The following HFM1 variants were observed in gnomAD, a reference collection of about 807,000 sequenced individuals.
The protein encoded by HFM1 is helicase for meiosis 1.
HFM1 carries 169 observed loss-of-function variants against 192.1 expected under a neutral mutation model. The observed-to-expected ratio is 0.88, with a 90% CI of 0.78 to 1.00. HFM1 has a LOEUF of 1.00. Among genes scored for constraint, HFM1 ranks in the 50% least tolerant of loss-of-function variants. HFM1 has a pLI of 0.00. For missense variants in HFM1, 1,661 were observed against 1,668.0 expected, an observed-to-expected ratio of 1.00 and a Z score of 0.07; for synonymous variants, 525 against 537.8, an observed-to-expected ratio of 0.98 and a Z score of 0.33.
intron 4 of HFM1, among the ~76,000 whole-genome samples, chr1:91,390,178 G>T (rs930448996): frequency 6.6e-6 from 1 of 152,054 alleles, no homozygotes; most frequent in South Asian, 2.1e-4. Flanking sequence ...GGTAGCTTAC[G>T]CCTGTAATCC....
At chr1:91,313,623 A>C (rs1650790458) in intron 29 of HFM1, 128 bp from the exon 30 acceptor site, 1 of 514,680 alleles carries the variant, frequency 1.9e-6, no homozygotes, top group Admixed American at 4.2e-5. Flanking sequence ...GAAAGTTAAA[A>C]TATGTTGAAA....
At chr1:91,275,137 C>T (rs1022211981) in intron 32 of HFM1, among the ~76,000 whole-genome samples, 1 of 152,076 alleles carries the variant, frequency 6.6e-6, no homozygotes, top group African/African-American at 2.4e-5. Context: ...GTGCCCACCA[C>T]CATGCCTGGC....
Position 91,325,105 on chromosome 1 carries a change from G to C in HFM1, c.2336-339C>G, listed in dbSNP as rs532708447. ...TTTCTGGACCTGCCCTGGGCCAGAG[G>C]GGGAGCCTACTGCCCTGAAGGATGC... is the stretch of plus-strand genomic sequence containing the variant. On this transcript the variant is annotated intron_variant, in intron 20 of 38. Transcript: ENST00000370425. Among the ~76,000 whole-genome samples, 70 of 151,826 alleles carry C rather than the reference G, an allele frequency of 4.6e-4. 1 individual carries two copies. In the South Asian group the frequency reaches 7.9e-3, roughly 17 times the overall value.
At chr1:91,365,257 T>C (rs1372382794) in intron 13 of HFM1, among the ~76,000 whole-genome samples, 1 of 152,072 alleles carries the variant, frequency 6.6e-6, no homozygotes, top group Non-Finnish European at 1.5e-5. Flanking sequence ...GAAAAGCAGA[T>C]ACATAGTGTG....
rs149239359 is a variant in HFM1, at chr1:91,281,851, C to G, written c.3392-4789G>C. 6.4e-3 allele frequency among the ~76,000 whole-genome samples: 969 copies of G among 152,308 alleles called. 6 individuals carry two copies. Among genetic ancestry groups the G allele is most frequent in the Middle Eastern group, 0.054 (16 of 294 alleles). ...ACGCACTCCTGCCTTCTCATTCTTC[C>G]AAGTAGCTGAGATTACAGGCACAAA... On this transcript the variant is annotated intron_variant, in intron 30 of 38. Coordinates refer to ENST00000370425, the MANE Select transcript of HFM1 (RefSeq NM_001017975.6).
At chr1:91,363,116 G>A (rs576856865) in intron 13 of HFM1, among the ~76,000 whole-genome samples, 2 of 152,204 alleles carry the variant, frequency 1.3e-5, no homozygotes, top group African/African-American at 4.8e-5. Context: ...CATAGGCACG[G>A]GCAAAGATTT....
At chr1:91,375,850 T>G (rs1660840665) in intron 11 of HFM1, 123 bp from the exon 12 acceptor site, 1 of 682,826 alleles carries the variant, frequency 1.5e-6, no homozygotes, top group Admixed American at 2.7e-5. Context: ...GTATGCTGTC[T>G]TTTTCAATAT....
At chr1:91,333,069 C>G (rs2101541064) in intron 20 of HFM1, among the ~76,000 whole-genome samples, 1 of 152,226 alleles carries the variant, frequency 6.6e-6, no homozygotes, top group South Asian at 2.1e-4. Flanking sequence ...AAAAAGAGAG[C>G]TACTATATGA....
intron 25 of HFM1, among the ~76,000 whole-genome samples, chr1:91,318,539 A>G (rs779410962): frequency 8.5e-5 from 13 of 152,130 alleles, no homozygotes; most frequent in Non-Finnish European, 1.6e-4. Context: ...CTACAGTCTC[A>G]TAGCACACAC....
chr1:91,403,004 G>T (rs1664464442), intron 1 of HFM1, among the ~76,000 whole-genome samples: 1 of 152,000 alleles, frequency 6.6e-6, no homozygotes, highest in Non-Finnish European at 1.5e-5. Context: ...TAACTTGTTT[G>T]GGTTCAGAAT....
chr1:91,371,092 G>C (rs973706073), intron 13 of HFM1, among the ~76,000 whole-genome samples: 16 of 151,630 alleles, frequency 1.1e-4, no homozygotes, highest in Admixed American at 3.9e-4. Context: ...AAATAAAAGA[G>C]GATACAAACA....
At chr1:91,349,119 C>T (rs1194193793) in intron 18 of HFM1, among the ~76,000 whole-genome samples, 1 of 152,020 alleles carries the variant, frequency 6.6e-6, no homozygotes, top group Non-Finnish European at 1.5e-5. Flanking sequence ...GAAGCGCCGT[C>T]TCTGCTAAAA....
intron 34 of HFM1, among the ~76,000 whole-genome samples, chr1:91,270,255 T>C (rs1666156138): frequency 6.6e-6 from 1 of 152,040 alleles, no homozygotes; most frequent in Non-Finnish European, 1.5e-5. Context: ...TAAGATTTGG[T>C]GATTATTTAC....
At chr1:91,367,973 G>A (rs904122411) in intron 13 of HFM1, among the ~76,000 whole-genome samples, 5 of 152,198 alleles carry the variant, frequency 3.3e-5, no homozygotes, top group Non-Finnish European at 7.3e-5. Flanking sequence ...CTCAGTAGCC[G>A]ATGTGATCAA....
intron 35 of HFM1, among the ~76,000 whole-genome samples, chr1:91,266,721 A>T (rs1665803935): frequency 6.6e-6 from 1 of 152,158 alleles, no homozygotes; most frequent in Non-Finnish European, 1.5e-5. Context: ...GGACTAGGCT[A>T]CCTCAAAGGA....
chr1:91,298,633 C>T (rs1375292473), intron 30 of HFM1, among the ~76,000 whole-genome samples: 1 of 152,150 alleles, frequency 6.6e-6, no homozygotes, highest in East Asian at 1.9e-4. Flanking sequence ...GGCAAATATT[C>T]AACATTCTTA....
At position 91,322,984 on chromosome 1, in the gene HFM1, C is replaced by A; in HGVS notation, c.2548G>T (p.Gly850Ter). ...NRITIRFPME[G>*]RIKTREMKVN... The stretch of plus-strand genomic sequence containing the variant: ...TTCATTTCTCTTGTTTTAATTCTTC[C>A]TTCCATTGGAAATCTGTAAATAAAA... Residue 850 changes from glycine (G) to a stop codon, truncating the protein, a stop_gained, in exon 23 of 39, where the codon GGA becomes TGA. Coordinates refer to ENST00000370425, the MANE Select transcript of HFM1 (RefSeq NM_001017975.6). LOFTEE classifies it high-confidence loss of function. The A allele has an allele frequency of 7.3e-7, 1 of 1,374,726 alleles. No individual in the cohort carries two copies. Among genetic ancestry groups the A allele is most frequent in the Admixed American group, 2.5e-5 (1 of 40,684 alleles). 85.2% of individuals were successfully genotyped at this position (1,374,726 alleles called of 1,614,324 possible).
chr1:91,344,872 G>A lies in HFM1; in HGVS notation c.2255-1362C>T, dbSNP rs192736153. On this transcript the variant is annotated intron_variant, in intron 19 of 38. Transcript: ENST00000370425. ...AGCAATCTTCCCACCTCAGTCTCCCGAGTAGCTGGAACTACAGGCATGTAC... is the reference window on the plus strand; with the variant it reads ...AGCAATCTTCCCACCTCAGTCTCCCAAGTAGCTGGAACTACAGGCATGTAC... Among the ~76,000 whole-genome samples, 106 of 150,616 alleles carry A rather than the reference G, an allele frequency of 7.0e-4. 1 individual carries two copies. The South Asian group carries it at 0.01, about 14-fold the overall frequency.
chr1:91,268,008 A>G (rs1046617320), intron 34 of HFM1, among the ~76,000 whole-genome samples, 153 bp from the exon 35 acceptor site: 3 of 152,076 alleles, frequency 2.0e-5, no homozygotes, highest in African/African-American at 7.2e-5. Flanking sequence ...TATGTATAAA[A>G]GACTATAGGT....
Sources: allele counts gnomAD v4.1 joint callset (sites outside exome capture counted in the v4.1 genomes callset), GRCh38; gene constraint gnomAD v4.1.1; transcripts MANE v1.5; gene names NCBI Gene and HGNC (gene_info 2026-07-23, HGNC 2026-07-21).